Variants in MAGI3 observed in about 807,000 individuals in gnomAD.
The protein encoded by MAGI3 is membrane associated guanylate kinase, WW and PDZ domain containing 3, also known as membrane-associated guanylate kinase, WW and PDZ domain-containing protein 3.
Under a neutral mutation model 121.8 loss-of-function variants are expected in MAGI3, and 43 were observed. The observed-to-expected ratio is 0.35, with a 90% CI of 0.28 to 0.46. MAGI3 has a LOEUF of 0.46. MAGI3 is among the 20% of genes least tolerant of loss of function. MAGI3 has a pLI of 1.00. For missense variants in MAGI3, 1,547 were observed against 1,797.3 expected, an observed-to-expected ratio of 0.86 and a Z score of 2.52; for synonymous variants, 553 against 639.3, an observed-to-expected ratio of 0.86 and a Z score of 2.04.
intron 1 of MAGI3, among the ~76,000 whole-genome samples, chr1:113,447,274 G>A (rs1654218470): frequency 6.6e-6 from 1 of 152,206 alleles, no homozygotes; most frequent in African/African-American, 2.4e-5. Context: ...GGAAGTCCAA[G>A]TCAGGGACTG....
intron 19 of MAGI3, among the ~76,000 whole-genome samples, chr1:113,675,709 G>A (rs553249511): frequency 4.6e-5 from 7 of 152,302 alleles, no homozygotes; most frequent in South Asian, 4.1e-4. Flanking sequence ...ATGGGAAGGC[G>A]CAGCATGCAG....
At chr1:113,526,080 A>C (rs1206099786) in intron 1 of MAGI3, among the ~76,000 whole-genome samples, 2 of 152,084 alleles carry the variant, frequency 1.3e-5, no homozygotes. Flanking sequence ...AAAAAATTAG[A>C]CCAAAAAAGT....
intron 1 of MAGI3, among the ~76,000 whole-genome samples, chr1:113,477,282 G>T (rs1219594070): frequency 2.0e-5 from 3 of 152,084 alleles, no homozygotes; most frequent in Admixed American, 6.6e-5. Flanking sequence ...ATGTTCGCTG[G>T]TTTTTTTGCC....
chr1:113,590,359 G>A (rs1332703666), intron 4 of MAGI3, 125 bp from the exon 5 acceptor site: 1 of 861,648 alleles, frequency 1.2e-6, no homozygotes, highest in Non-Finnish European at 1.8e-6. Context: ...GCAGAATGTG[G>A]ACATAATAGA....
At chr1:113,439,328 G>A (rs1053111761) in intron 1 of MAGI3, among the ~76,000 whole-genome samples, 6 of 152,176 alleles carry the variant, frequency 3.9e-5, no homozygotes, top group Non-Finnish European at 8.8e-5. Context: ...GCGAAATCAT[G>A]GATAAGCAGG....
At chr1:113,672,463 CTGA>C in intron 17 of MAGI3, 149 bp from the exon 18 acceptor site, 26 of 210 alleles carry the variant, frequency 0.12, 13 homozygotes, top group East Asian at 0.33. Context: ...TAGCACCCCT[CTGA>C]TCTGATTTTA....
intron 1 of MAGI3, among the ~76,000 whole-genome samples, chr1:113,444,050 G>C (rs921918231): frequency 2.1e-4 from 32 of 152,306 alleles, no homozygotes; most frequent in African/African-American, 6.0e-4. Flanking sequence ...TCTACTGAAG[G>C]CTTTCACTTT....
At chr1:113,630,486 A>G (rs1651556176) in intron 9 of MAGI3, among the ~76,000 whole-genome samples, 1 of 152,094 alleles carries the variant, frequency 6.6e-6, no homozygotes, top group Admixed American at 6.5e-5. Context: ...TGCACGACAC[A>G]GTCACCTTTA....
chr1:113,606,395 C>CT (rs1254382689), intron 6 of MAGI3, among the ~76,000 whole-genome samples: 2 of 152,122 alleles, frequency 1.3e-5, no homozygotes, highest in East Asian at 1.9e-4. Flanking sequence ...TAGAATTTGA[C>CT]TTTTTTTATT....
intron 4 of MAGI3, among the ~76,000 whole-genome samples, chr1:113,586,602 G>T (rs1009780580): frequency 6.6e-6 from 1 of 152,066 alleles, no homozygotes; most frequent in African/African-American, 2.4e-5. Context: ...AAAGGTTTAG[G>T]TGAATTCACA....
chr1:113,413,801 A>G (rs554264797), intron 1 of MAGI3, among the ~76,000 whole-genome samples: 20 of 152,284 alleles, frequency 1.3e-4, no homozygotes, highest in Non-Finnish European at 2.6e-4. Context: ...GGTTTTCTAA[A>G]TATCCAATCA....
chr1:113,655,063 C>G (rs1429052181), intron 15 of MAGI3, among the ~76,000 whole-genome samples: 1 of 152,100 alleles, frequency 6.6e-6, no homozygotes, highest in Non-Finnish European at 1.5e-5. Context: ...ATGCTAGTTT[C>G]CATTTTCCCA....
At chr1:113,489,176 C>CG (rs1025681105) in intron 1 of MAGI3, among the ~76,000 whole-genome samples, 2 of 151,696 alleles carry the variant, frequency 1.3e-5, no homozygotes, top group African/African-American at 2.4e-5. Flanking sequence ...TAGGCCCCCC[C>CG]CGACCCCAGC....
intron 2 of MAGI3, among the ~76,000 whole-genome samples, chr1:113,551,690 A>T (rs188151850): frequency 3.1e-4 from 47 of 152,204 alleles, no homozygotes; most frequent in African/African-American, 1.1e-3. Flanking sequence ...AAACTTCTTA[A>T]ATTTTTATTG....
intron 1 of MAGI3, 118 bp from the exon 2 acceptor site, chr1:113,549,397 C>G: frequency 7.8e-6 from 4 of 515,594 alleles, no homozygotes; most frequent in Non-Finnish European, 1.4e-5. Context: ...TCTCTGATTT[C>G]TTTATCCTGT....
rs185335187 is a variant in MAGI3, at chr1:113,638,386, G to A, written c.1361-3525G>A. The stretch of plus-strand genomic sequence containing the variant: ...TTATCTTCTTTTGTTCTTTGATGAT[G>A]GTGATGTACAGATGGGTTTTTGGTG... On this transcript the variant is annotated intron_variant, in intron 9 of 20. Transcript: ENST00000307546. Among the ~76,000 whole-genome samples the A allele has an allele frequency of 5.4e-3, 818 of 152,276 alleles. 6 individuals carry two copies. Among genetic ancestry groups the A allele is most frequent in the African/African-American group, 0.019 (774 of 41,546 alleles).
chr1:113,649,039 T>C (rs1423444691), intron 12 of MAGI3, among the ~76,000 whole-genome samples, 198 bp from the exon 13 acceptor site: 1 of 152,202 alleles, frequency 6.6e-6, no homozygotes, highest in Admixed American at 6.5e-5. Flanking sequence ...TCATACAGTT[T>C]TGTTTAGAGC....
intron 8 of MAGI3, among the ~76,000 whole-genome samples, chr1:113,620,452 A>G (rs568174513): frequency 6.6e-6 from 1 of 152,262 alleles, no homozygotes; most frequent in Non-Finnish European, 1.5e-5. Flanking sequence ...ATTAATAACC[A>G]GGGGTATATA....
At chr1:113,574,913 CT>C (rs933509859) in intron 2 of MAGI3, among the ~76,000 whole-genome samples, 1 of 151,986 alleles carries the variant, frequency 6.6e-6, no homozygotes, top group African/African-American at 2.4e-5. Context: ...CTAATTTTGT[CT>C]TTATGCTTTA....
Sources: allele counts gnomAD v4.1 joint callset (sites outside exome capture counted in the v4.1 genomes callset), GRCh38; gene constraint gnomAD v4.1.1; transcripts MANE v1.5; gene names NCBI Gene and HGNC (gene_info 2026-07-23, HGNC 2026-07-21).